The following CYP2B6 variants were observed in gnomAD, a reference collection of about 807,000 sequenced individuals.
CYP2B6 encodes cytochrome P450 2B6.
A neutral mutation model predicts 43.4 loss-of-function variants in CYP2B6; 35 were observed. That is an observed-to-expected ratio of 0.81 (90% CI 0.62 to 1.07). The LOEUF (loss-of-function observed/expected upper bound fraction) is 1.07. Ranked by LOEUF, CYP2B6 falls within the 50% of genes least tolerant of loss-of-function variation. CYP2B6 has a pLI of 0.00. For synonymous variants in CYP2B6, 239 were observed against 239.2 expected, an observed-to-expected ratio of 1.00 and a Z score of 0.01; for missense variants, 624 against 632.8, an observed-to-expected ratio of 0.99 and a Z score of 0.15.
rs958323834 is a variant in CYP2B6 at position 41,012,220 on chromosome 19, G to T, written c.965-78G>T. 1.7e-5 allele frequency: 24 copies of T among 1,414,462 alleles called. No individual in the cohort carries two copies. In the East Asian group the frequency reaches 5.6e-4, roughly 33 times the overall value. The allele number at this position is 1,414,462 out of a possible 1,614,324, so 87.6% of individuals were successfully genotyped here. ...CCACCTCAACCTCCAAAATTGCTGG[G>T]ATTACAGGCATGAGCCACCATGCCT... On this transcript the variant is annotated intron_variant, in intron 6 of 8. Transcript: ENST00000324071.
At chr19:40,996,274 A>G (rs1471085147) in intron 1 of CYP2B6, among the ~76,000 whole-genome samples, 2 of 152,144 alleles carry the variant, frequency 1.3e-5, no homozygotes, top group Non-Finnish European at 2.9e-5. Context: ...CTATTAGGTT[A>G]TAGTTGATTT....
chr19:41,003,983 T>C lies in CYP2B6; in HGVS notation c.172-18T>C. ...TATGCTGACTAACAGCCACCCCTGGTGTGGATGTGATTGGCAGTTCCGAGA... is the reference window on the plus strand; with the variant it reads ...TATGCTGACTAACAGCCACCCCTGGCGTGGATGTGATTGGCAGTTCCGAGA... On this transcript the variant is annotated intron_variant, in intron 1 of 8. Transcript: ENST00000324071. The C allele has an allele frequency of 6.2e-7, 1 of 1,608,378 alleles. No homozygotes were observed. Among genetic ancestry groups the C allele is most frequent in the Non-Finnish European group, 8.5e-7 (1 of 1,175,078 alleles).
intron 3 of CYP2B6, among the ~76,000 whole-genome samples, chr19:41,004,731 G>A (rs33912321): frequency 0.13 from 20,025 of 152,018 alleles, 1,673 homozygotes; most frequent in East Asian, 0.25. Flanking sequence ...ACTCTCACCT[G>A]TAATCCCAGT....
At chr19:41,010,307 T>C (rs147426833) in intron 6 of CYP2B6, among the ~76,000 whole-genome samples, 172 bp downstream of exon 6, 171 of 152,256 alleles carry the variant, frequency 1.1e-3, no homozygotes, top group African/African-American at 3.7e-3. Flanking sequence ...GATGCATGGA[T>C]GCATGAAGAA....
intron 1 of CYP2B6, among the ~76,000 whole-genome samples, chr19:41,003,423 G>T (rs1969127142): frequency 6.6e-6 from 1 of 152,106 alleles, no homozygotes; most frequent in African/African-American, 2.4e-5. Context: ...TCAGAATGAT[G>T]CACAACTTAA....
In CYP2B6 at chr19:41,004,459, G is replaced by A. The variant is rs1340197608; in HGVS notation, c.484+13G>A. ...CGGAAATCCAAGGGTGAGTCCTGGG[G>A]GATGAATAGGAAAGAAAGACAATGA... is the stretch of plus-strand genomic sequence containing the variant. On this transcript the variant is annotated intron_variant, in intron 3 of 8. Transcript: ENST00000324071. 4 of 1,612,882 alleles carry A rather than the reference G, an allele frequency of 2.5e-6. No homozygotes were observed. The East Asian group carries it at 6.7e-5, about 27-fold the overall frequency.
At position 41,010,231 on chromosome 19, in the gene CYP2B6, T is replaced by G; in HGVS notation, c.964+96T>G. ...ACCACCTGGATGAGAGAGGGGATGC[T>G]GGCTTCCTATTCTGGGAGCACTGTA... On this transcript the variant is annotated intron_variant, in intron 6 of 8. Transcript: ENST00000324071. The G allele has an allele frequency of 6.1e-6, 9 of 1,476,234 alleles. 1 individual carries two copies. The South Asian group carries it at 1.0e-4, about 17-fold the overall frequency. 91.4% of individuals were successfully genotyped at this position (1,476,234 alleles called of 1,614,324 possible).
intron 4 of CYP2B6, among the ~76,000 whole-genome samples, chr19:41,008,625 G>A (rs1036844440): frequency 6.6e-6 from 1 of 151,538 alleles, no homozygotes; most frequent in Non-Finnish European, 1.5e-5. Context: ...ACAGAGAAAA[G>A]TCTGGAAGGA....
Position 40,997,824 on chromosome 19 carries a change from AGGTGGT to A in CYP2B6, c.172-6174_172-6169del, listed in dbSNP as rs145754611. ...CGACACCACTGGGCAACACTCAAAGAGGTGGTGGCTTATACCTGTAATCCCAACACT... is the reference window on the plus strand; with the variant it reads ...CGACACCACTGGGCAACACTCAAAGAGGCTTATACCTGTAATCCCAACACT... On this transcript the variant is annotated intron_variant, in intron 1 of 8. Transcript: ENST00000324071. Among the ~76,000 whole-genome samples the A allele has an allele frequency of 7.8e-3, 1,193 of 152,152 alleles. 18 individuals carry two copies. Among genetic ancestry groups the A allele is most frequent in the African/African-American group, 0.028 (1,163 of 41,470 alleles).
chr19:41,016,581 G>C (rs1969370711), intron 8 of CYP2B6, 65 bp from the exon 9 acceptor site: 2 of 1,562,788 alleles, frequency 1.3e-6, no homozygotes, highest in Non-Finnish European at 1.8e-6. Context: ...TGGGCTTAGG[G>C]ACATGGCAGA....
chr19:40,993,957 A>G (rs77654948), intron 1 of CYP2B6, among the ~76,000 whole-genome samples: 2,224 of 152,158 alleles, frequency 0.015, 34 homozygotes, highest in Middle Eastern at 0.034. Context: ...TTCTCATCTC[A>G]GTTTGGAGAG....
chr19:41,016,176 A>G (rs1277879353), intron 8 of CYP2B6, among the ~76,000 whole-genome samples: 1 of 152,128 alleles, frequency 6.6e-6, no homozygotes, highest in East Asian at 1.9e-4. Context: ...CAGGTGGATT[A>G]TCTGAGGTCA....
chr19:41,012,879 AAAAC>A (rs1452626573), intron 8 of CYP2B6, 64 bp downstream of exon 8: 1 of 1,564,126 alleles, frequency 6.4e-7, no homozygotes, highest in Non-Finnish European at 8.8e-7. Flanking sequence ...CAACTTGAGA[AAAAC>A]AACGAGAGAT....
chr19:41,012,264 A>C lies in CYP2B6; in HGVS notation c.965-34A>C, dbSNP rs35457549. On this transcript the variant is annotated intron_variant, in intron 6 of 8. Coordinates refer to ENST00000324071, the MANE Select transcript of CYP2B6 (RefSeq NM_000767.5). ...CATGCCTGGCCTGAAATGCCTCTTT[A>C]AAATGAGATTCATTGGTCTTCTTTT... The C allele has an allele frequency of 1.3e-4, 205 of 1,609,686 alleles. 1 individual carries two copies. In the East Asian group the frequency reaches 3.3e-3, roughly 26 times the overall value.
intron 4 of CYP2B6, among the ~76,000 whole-genome samples, chr19:41,008,842 T>C (rs1969234136): frequency 6.6e-6 from 1 of 152,170 alleles, no homozygotes; most frequent in South Asian, 2.1e-4. Context: ...TTTATTAATA[T>C]CTGACACAGC....
chr19:40,994,404 C>A (rs1308646249), intron 1 of CYP2B6, among the ~76,000 whole-genome samples: 2 of 152,148 alleles, frequency 1.3e-5, no homozygotes, highest in East Asian at 1.9e-4. Context: ...GTCTGCATAG[C>A]TCCTGAACAA....
chr19:41,015,607 T>C (rs1038612671), intron 8 of CYP2B6, among the ~76,000 whole-genome samples: 1 of 152,120 alleles, frequency 6.6e-6, no homozygotes, highest in African/African-American at 2.4e-5. Flanking sequence ...CTACTGGGGG[T>C]TCCTTGCACC....
At chr19:41,008,492 T>C (rs1222306498) in intron 4 of CYP2B6, among the ~76,000 whole-genome samples, 4 of 137,004 alleles carry the variant, frequency 2.9e-5, no homozygotes, top group African/African-American at 1.2e-4. Context: ...GTTGTCACAG[T>C]TATGGATTTT....
At chr19:40,995,782 AT>A in intron 1 of CYP2B6, among the ~76,000 whole-genome samples, 1 of 152,290 alleles carries the variant, frequency 6.6e-6, no homozygotes, top group Admixed American at 6.5e-5. Context: ...TCAATTCAGC[AT>A]GCTTTGCCTA....
Sources: gnomAD v4.1 joint callset for allele counts (sites outside exome capture counted in the v4.1 genomes callset) on GRCh38, gnomAD v4.1.1 for gene constraint, MANE v1.5 for transcripts, NCBI Gene and HGNC (gene_info 2026-07-23, HGNC 2026-07-21) for gene names.